The following MAPKAP1 variants were observed in gnomAD, a reference collection of about 807,000 sequenced individuals.
MAPKAP1 encodes MAPK associated protein 1.
In MAPKAP1, 20 loss-of-function variants were observed where a neutral mutation model predicts 65.7. The ratio of observed to expected loss-of-function variants is 0.30; its 90% CI spans 0.21 to 0.44. MAPKAP1 has a LOEUF of 0.44. Ranked by LOEUF, MAPKAP1 falls within the 20% of genes least tolerant of loss-of-function variation. The pLI, the probability that MAPKAP1 is intolerant of heterozygous loss-of-function variation, is 1.00. For synonymous variants in MAPKAP1, 222 were observed against 244.3 expected, an observed-to-expected ratio of 0.91 and a Z score of 0.85; for missense variants, 423 against 648.0, an observed-to-expected ratio of 0.65 and a Z score of 3.77.
chr9:125,647,624 T>G (rs184888910), intron 4 of MAPKAP1, among the ~76,000 whole-genome samples: 1 of 152,346 alleles, frequency 6.6e-6, no homozygotes, highest in African/African-American at 2.4e-5. Context: ...TCCTCAGCAC[T>G]GGGCACGATC....
chr9:125,523,842 T>TC (rs1424784414), intron 7 of MAPKAP1, among the ~76,000 whole-genome samples: 1 of 152,110 alleles, frequency 6.6e-6, no homozygotes, highest in Non-Finnish European at 1.5e-5. Context: ...GACCTGCAGT[T>TC]CCCCCGCTGT....
chr9:125,543,682 C>T (rs1019927298), intron 6 of MAPKAP1, among the ~76,000 whole-genome samples: 7 of 152,106 alleles, frequency 4.6e-5, no homozygotes, highest in African/African-American at 1.7e-4. Context: ...CAGTGATAAA[C>T]GATTCTAGCG....
intron 4 of MAPKAP1, among the ~76,000 whole-genome samples, chr9:125,647,044 T>C (rs1025477444): frequency 2.0e-5 from 3 of 152,238 alleles, no homozygotes; most frequent in Admixed American, 1.3e-4. Context: ...AATCACGCTC[T>C]GGTGATGAAT....
intron 1 of MAPKAP1, among the ~76,000 whole-genome samples, chr9:125,680,285 T>A (rs1376125946): frequency 6.6e-6 from 1 of 151,778 alleles, no homozygotes; most frequent in African/African-American, 2.4e-5. Flanking sequence ...CTTGCCTTTA[T>A]AAAAACCAAC....
chr9:125,505,308 C>T (rs1829106023), intron 8 of MAPKAP1, among the ~76,000 whole-genome samples: 1 of 152,076 alleles, frequency 6.6e-6, no homozygotes, highest in South Asian at 2.1e-4. Flanking sequence ...GCCTATAGTC[C>T]CAGCTACTCG....
chr9:125,636,242 T>C (rs1833419952), intron 4 of MAPKAP1, among the ~76,000 whole-genome samples: 2 of 152,048 alleles, frequency 1.3e-5, no homozygotes, highest in South Asian at 4.1e-4. Context: ...AAACACCTAA[T>C]AGCAGGTGTC....
At chr9:125,661,272 G>A (rs1048882947) in intron 3 of MAPKAP1, among the ~76,000 whole-genome samples, 1 of 152,050 alleles carries the variant, frequency 6.6e-6, no homozygotes, top group Non-Finnish European at 1.5e-5. Context: ...AACGGAATTC[G>A]GAAGATCAAG....
At chr9:125,693,890 C>T (rs369721928) in intron 1 of MAPKAP1, among the ~76,000 whole-genome samples, 3 of 142,988 alleles carry the variant, frequency 2.1e-5, no homozygotes, top group South Asian at 4.4e-4. Flanking sequence ...TATAGTTGGC[C>T]GGGCATAGGG....
intron 9 of MAPKAP1, among the ~76,000 whole-genome samples, chr9:125,476,844 C>T (rs1854129029): frequency 6.6e-6 from 1 of 152,218 alleles, no homozygotes; most frequent in African/African-American, 2.4e-5. Context: ...TGTCATCATG[C>T]TCAGGCCCAG....
intron 4 of MAPKAP1, among the ~76,000 whole-genome samples, chr9:125,639,933 G>A (rs1047811406): frequency 6.6e-6 from 1 of 152,082 alleles, no homozygotes; most frequent in Non-Finnish European, 1.5e-5. Context: ...AGGCGCATGG[G>A]GGCAGAATCC....
Position 125,447,351 on chromosome 9 carries a change from G to A in MAPKAP1, c.1346-2753C>T. ...CCATAGGAGAGGGGAACAGAGGGCA[G>A]AGAACGTTCTGTGGAGCACTTGTGT... On this transcript the variant is annotated intron_variant, in intron 10 of 11. Coordinates refer to ENST00000265960, the MANE Select transcript of MAPKAP1 (RefSeq NM_001006617.3). The surrounding 1 kb of genome is among the most constrained non-coding windows in gnomAD (Gnocchi z 4.5). The A allele has an allele frequency of 2.2e-6, 1 of 456,032 alleles. No homozygotes were observed. The highest frequency in any genetic ancestry group is 2.3e-5 in the Admixed American group (1 of 42,568). The allele number at this position is 456,032 out of a possible 1,614,324, so 28.2% of individuals were successfully genotyped here.
At chr9:125,557,920 G>A (rs564981260) in intron 6 of MAPKAP1, among the ~76,000 whole-genome samples, 2 of 152,102 alleles carry the variant, frequency 1.3e-5, no homozygotes, top group Non-Finnish European at 2.9e-5. Flanking sequence ...GCAATGGCGC[G>A]ATCTCAGCTA....
chr9:125,447,557 C>T lies in MAPKAP1; in HGVS notation c.1346-2959G>A, dbSNP rs572489341. On this transcript the variant is annotated intron_variant, in intron 10 of 11. Transcript: ENST00000265960. This position sits in a 1 kb window ranked among gnomAD's most constrained non-coding sequence, Gnocchi z 4.5. ...TAGGACATGGGGCGGACTCACTCCGCGGGCGTTTCTGCCCCGAGTTCCCCT... is the reference window on the plus strand; with the variant it reads ...TAGGACATGGGGCGGACTCACTCCGTGGGCGTTTCTGCCCCGAGTTCCCCT... 168 of 445,590 alleles carry T rather than the reference C, an allele frequency of 3.8e-4. 1 individual carries two copies. The highest frequency in any genetic ancestry group is 3.1e-3 in the African/African-American group (157 of 49,916). 27.6% of individuals were successfully genotyped at this position (445,590 alleles called of 1,614,324 possible). A position where few individuals can be genotyped will look rare whatever the true frequency, so the allele number is the denominator to read the frequency against.
At chr9:125,643,209 T>G (rs28729336) in intron 4 of MAPKAP1, among the ~76,000 whole-genome samples, 44,961 of 150,602 alleles carry the variant, frequency 0.3, 7,767 homozygotes, top group Middle Eastern at 0.4. Flanking sequence ...GTTTTTTTTT[T>G]GGGGGGAGGG....
intron 7 of MAPKAP1, among the ~76,000 whole-genome samples, chr9:125,511,784 G>A (rs952280653): frequency 6.6e-6 from 1 of 152,198 alleles, no homozygotes; most frequent in East Asian, 1.9e-4. Flanking sequence ...TTTGGAAAGA[G>A]GATTTAAAAA....
At chr9:125,589,672 T>C in intron 4 of MAPKAP1, among the ~76,000 whole-genome samples, 1 of 152,212 alleles carries the variant, frequency 6.6e-6, no homozygotes, top group East Asian at 1.9e-4. Context: ...ATAAAGTCAG[T>C]TTAAAAAACA....
intron 4 of MAPKAP1, among the ~76,000 whole-genome samples, chr9:125,630,204 C>A (rs970983448): frequency 1.3e-5 from 2 of 152,234 alleles, no homozygotes; most frequent in African/African-American, 4.8e-5. Flanking sequence ...CAGCTCACCG[C>A]AGCCTCGACT....
chr9:125,611,963 T>C (rs545815113), intron 4 of MAPKAP1, among the ~76,000 whole-genome samples: 41 of 152,314 alleles, frequency 2.7e-4, no homozygotes, highest in African/African-American at 8.9e-4. Flanking sequence ...TTCAAAATTA[T>C]TGGGACCAGG....
chr9:125,687,307 T>C (rs1397436043), intron 1 of MAPKAP1, among the ~76,000 whole-genome samples: 7 of 152,188 alleles, frequency 4.6e-5, no homozygotes. Flanking sequence ...AGTTCCACGT[T>C]GCTGTCACAG....
Sources: allele counts gnomAD v4.1 joint callset (sites outside exome capture counted in the v4.1 genomes callset), GRCh38; gene constraint gnomAD v4.1.1; non-coding constraint Gnocchi (gnomAD v3.1); transcripts MANE v1.5; gene names NCBI Gene and HGNC (gene_info 2026-07-23, HGNC 2026-07-21).